The following USP16 variants were observed in gnomAD, a reference collection of about 807,000 sequenced individuals.
USP16 encodes the protein ubiquitin specific peptidase 16.
A neutral mutation model predicts 95.9 loss-of-function variants in USP16; 77 were observed. That is an observed-to-expected ratio of 0.80 (90% CI 0.67 to 0.97). The LOEUF is 0.97. USP16 is among the 50% of genes least tolerant of loss of function. The probability of loss-of-function intolerance (pLI) is 0.00; values close to 1 mark genes in which losing one functional copy is unlikely to be tolerated. For synonymous variants in USP16, 303 were observed against 318.2 expected, an observed-to-expected ratio of 0.95 and a Z score of 0.51; for missense variants, 943 against 959.9, an observed-to-expected ratio of 0.98 and a Z score of 0.23.
intron 16 of USP16, chr21:29,052,126 G>C: frequency 6.6e-6 from 1 of 152,096 alleles, no homozygotes; most frequent in East Asian, 1.9e-4. Context: ...TACAAATTTT[G>C]ATTCTGTAGG....
At chr21:29,049,425 G>A (rs1369269956) in intron 15 of USP16, among the ~76,000 whole-genome samples, 1 of 152,142 alleles carries the variant, frequency 6.6e-6, no homozygotes, top group Non-Finnish European at 1.5e-5. Flanking sequence ...AGCTTGGTTT[G>A]AGCATGAGGC....
Position 29,046,651 on chromosome 21 carries a change from T to C in USP16, c.1357-16T>C, listed in dbSNP as rs1452071334. 1.9e-6 allele frequency: 3 copies of C among 1,581,082 alleles called. No homozygotes were observed. Among genetic ancestry groups the C allele is most frequent in the East Asian group, 2.2e-5 (1 of 44,646 alleles). ...TCTTTTTCTTTATTTTTTGATGCCG[T>C]ATACTTTTTACCCAGAACCAACGAA... On this transcript the variant is annotated splice_polypyrimidine_tract_variant and intron_variant, in intron 13 of 17. Transcript: ENST00000399976.
Position 29,054,297 on chromosome 21 carries a change from CCAG to C in USP16, c.*111_*113del. The C allele has an allele frequency of 7.8e-7, 1 of 1,275,880 alleles. No homozygotes were observed. Among genetic ancestry groups the C allele is most frequent in the Non-Finnish European group, 1.1e-6 (1 of 934,104 alleles). The allele number at this position is 1,275,880 out of a possible 1,614,324, so 79.0% of individuals were successfully genotyped here. A position where few individuals can be genotyped will look rare whatever the true frequency, so the allele number is the denominator to read the frequency against. ...ATGTTCACTTAACATTAAATACATG[CCAG>C]AAGAAATCATGTTTATTTAAATATT... On this transcript the variant is annotated 3_prime_UTR_variant, in exon 18 of 18. Transcript: ENST00000399976.
chr21:29,039,479 A>G lies in USP16; in HGVS notation c.864-2A>G. On this transcript the variant is annotated splice_acceptor_variant, in intron 8 of 17. Transcript: ENST00000399976. LOFTEE classifies it high-confidence loss of function. The stretch of plus-strand genomic sequence containing the variant: ...CTTTTCTGTCTTTTTGTTTTTCTCT[A>G]GAGCAGTGCGGTTTAAAGGCTATCA... 6.2e-7 allele frequency: 1 copy of G among 1,612,642 alleles called. No homozygotes were observed. Among genetic ancestry groups the G allele is most frequent in the Non-Finnish European group, 8.5e-7 (1 of 1,179,112 alleles).
In USP16 at chr21:29,037,344, G is replaced by T; in HGVS notation, c.517G>T (p.Glu173Ter). The T allele has an allele frequency of 6.3e-7, 1 of 1,599,636 alleles. No homozygotes were observed. The highest frequency in any genetic ancestry group is 8.5e-7 in the Non-Finnish European group (1 of 1,169,722). Residue 173 changes from glutamate to a stop codon, truncating the protein, a stop_gained, in exon 6 of 18, where the codon GAG becomes TAG. Coordinates refer to ENST00000399976, the MANE Select transcript of USP16 (RefSeq NM_006447.3). LOFTEE classifies it high-confidence loss of function. The part of the protein sequence containing the change: ...KLEKESKNEQ[E>*]REKKENMAKE... ...AGAAAAAGAGAGTAAGAATGAACAA[G>T]AGAGAGAAAAGAAGGAAAACATGGC...
intron 3 of USP16, among the ~76,000 whole-genome samples, chr21:29,032,465 CA>C (rs1201638965): frequency 4.6e-5 from 7 of 152,080 alleles, no homozygotes; most frequent in Non-Finnish European, 1.0e-4. Context: ...CTCCTGGGCT[CA>C]AGTGATCTAC....
At chr21:29,051,361 T>A (rs938920508) in intron 16 of USP16, among the ~76,000 whole-genome samples, 3 of 152,258 alleles carry the variant, frequency 2.0e-5, no homozygotes, top group African/African-American at 7.2e-5. Flanking sequence ...GGGCACAGAT[T>A]TAGAAATCAG....
Position 29,036,278 on chromosome 21 carries a change from G to A in USP16, c.352G>A (p.Val118Ile), listed in dbSNP as rs779308743. 6.2e-6 allele frequency: 10 copies of A among 1,608,114 alleles called. No individual in the cohort carries two copies. Among genetic ancestry groups the A allele is most frequent in the Middle Eastern group, 1.7e-4 (1 of 6,040 alleles). Residue 118 changes from valine (V) to isoleucine (I), a missense_variant, in exon 5 of 18, where the codon GTA becomes ATA. Physicochemically the swap from Val to Ile is conservative, Grantham distance 29 (BLOSUM62 3). Transcript: ENST00000399976. ...SLDNWSVWCY[V>I]CDNEVQYCSS... ...CTGATTTTTGGGTCACAGGTGTTAC[G>A]TATGTGATAATGAGGTCCAGTATTG...
At chr21:29,040,875 A>G (rs1568891535) in intron 10 of USP16, among the ~76,000 whole-genome samples, 188 bp downstream of exon 10, 2 of 152,196 alleles carry the variant, frequency 1.3e-5, no homozygotes, top group Non-Finnish European at 2.9e-5. Context: ...TATTCTTTTT[A>G]TGTATTAAAG....
At chr21:29,045,319 GC>G (rs1443635892) in intron 13 of USP16, among the ~76,000 whole-genome samples, 1 of 152,166 alleles carries the variant, frequency 6.6e-6, no homozygotes, top group Non-Finnish European at 1.5e-5. Flanking sequence ...AACCAGAAAT[GC>G]CTTTGGGTTT....
chr21:29,035,041 G>A (rs1489360018), intron 4 of USP16, 101 bp downstream of exon 4: 2 of 1,159,904 alleles, frequency 1.7e-6, no homozygotes, highest in Admixed American at 2.5e-5. Context: ...TAAAATTTTT[G>A]TAGTATGTTT....
chr21:29,047,747 A>C (rs1273104433), intron 14 of USP16, among the ~76,000 whole-genome samples: 4 of 151,922 alleles, frequency 2.6e-5, no homozygotes, highest in African/African-American at 9.7e-5. Context: ...AAAGGATCAT[A>C]CTGACAATTT....
At chr21:29,047,399 T>G in intron 14 of USP16, 78 bp downstream of exon 14, 1 of 1,432,602 alleles carries the variant, frequency 7.0e-7, no homozygotes. Flanking sequence ...GTACTCCTAA[T>G]TGTATCAGGA....
In USP16 at chr21:29,046,968, C is replaced by T; in HGVS notation, c.1658C>T (p.Pro553Leu). The T allele has an allele frequency of 6.2e-7, 1 of 1,613,994 alleles. No homozygotes were observed. Among genetic ancestry groups the T allele is most frequent in the Non-Finnish European group, 8.5e-7 (1 of 1,180,002 alleles). Residue 553 changes from proline (P) to leucine (L), a missense_variant, in exon 14 of 18, where the codon CCC becomes CTC. Pro to Leu is a moderately conservative substitution (Grantham distance 98). Coordinates refer to ENST00000399976, the MANE Select transcript of USP16 (RefSeq NM_006447.3). ...DNDLEVLTSSPTRNLNGAYLT... is the reference protein window; with the variant it reads ...DNDLEVLTSSLTRNLNGAYLT... ...GATCTGGAGGTTTTAACATCTTCTC[C>T]CACTAGGAATTTAAATGGTGCCTAC...
At chr21:29,051,711 AT>A (rs2146402564) in intron 16 of USP16, among the ~76,000 whole-genome samples, 1 of 152,180 alleles carries the variant, frequency 6.6e-6, no homozygotes, top group East Asian at 1.9e-4. Context: ...TGCGCCTGTA[AT>A]CCCAGCTACT....
At chr21:29,042,358 C>G (rs554187775) in intron 11 of USP16, 114 bp from the exon 12 acceptor site, 18 of 1,101,568 alleles carry the variant, frequency 1.6e-5, no homozygotes, top group African/African-American at 6.4e-5. Flanking sequence ...TTTCTTAAGC[C>G]TTTGTTTATT....
intron 1 of USP16, 97 bp downstream of exon 1, chr21:29,024,874 A>G: frequency 8.5e-7 from 1 of 1,169,742 alleles, no homozygotes; most frequent in Non-Finnish European, 1.1e-6. Flanking sequence ...CTCTTCTTGA[A>G]GGCCGCTCTC....
intron 13 of USP16, among the ~76,000 whole-genome samples, chr21:29,046,376 A>G (rs1051142051): frequency 6.6e-6 from 1 of 151,754 alleles, no homozygotes; most frequent in African/African-American, 2.4e-5. Context: ...TCCTCAAGTG[A>G]TCCTCTTGTG....
chr21:29,025,706 C>T, intron 1 of USP16: 1 of 982,576 alleles, frequency 1.0e-6, no homozygotes, highest in Non-Finnish European at 1.2e-6. Flanking sequence ...TCTTTTTCAC[C>T]AGAACTTGTT....
Sources: gnomAD v4.1 joint callset for allele counts (sites outside exome capture counted in the v4.1 genomes callset) on GRCh38, gnomAD v4.1.1 for gene constraint, MANE v1.5 for transcripts, NCBI Gene and HGNC (gene_info 2026-07-23, HGNC 2026-07-21) for gene names.